Variants in ADAP1 observed in about 807,000 individuals in gnomAD.
ADAP1 encodes the protein arf-GAP with dual PH domain-containing protein 1.
In ADAP1, 31 loss-of-function variants were observed where a neutral mutation model predicts 54.9. The observed-to-expected ratio is 0.56, with a 90% CI of 0.42 to 0.76. The LOEUF (loss-of-function observed/expected upper bound fraction) is 0.76. ADAP1 is among the 30% of genes least tolerant of loss of function. The probability of loss-of-function intolerance (pLI) is 0.00; values close to 1 mark genes in which losing one functional copy is unlikely to be tolerated. For missense variants in ADAP1, 535 were observed against 512.4 expected, an observed-to-expected ratio of 1.04 and a Z score of -0.42; for synonymous variants, 313 against 202.6, an observed-to-expected ratio of 1.55 and a Z score of -4.63.
rs1251845584 is a variant in ADAP1 at position 954,250 on chromosome 7, C to T, written c.82+146G>A. On this transcript the variant is annotated intron_variant, in intron 1 of 10. Transcript: ENST00000265846. ...CAGCCGGGCCCGGGCCCCATCCGAG[C>T]GCCGATCCGGCCCGGTGTTCAGCGC... The T allele has an allele frequency of 3.6e-5, 29 of 801,100 alleles. No individual in the cohort carries two copies. In the South Asian group the frequency reaches 1.2e-3, roughly 33 times the overall value. 49.6% of individuals were successfully genotyped at this position (801,100 alleles called of 1,614,324 possible).
chr7:922,034 G>C (rs1042644182), intron 3 of ADAP1, among the ~76,000 whole-genome samples: 1 of 152,208 alleles, frequency 6.6e-6, no homozygotes, highest in African/African-American at 2.4e-5. Context: ...GTGAGCACCA[G>C]GAAGTCGGGG....
In ADAP1 at chr7:926,687, G is replaced by A. The variant is rs1318664963; in HGVS notation, c.214-43C>T. The A allele has an allele frequency of 1.3e-6, 2 of 1,486,998 alleles. No homozygotes were observed. The highest frequency in any genetic ancestry group is 9.0e-7 in the Non-Finnish European group (1 of 1,107,972). The allele number at this position is 1,486,998 out of a possible 1,614,324, so 92.1% of individuals were successfully genotyped here. A position where few individuals can be genotyped will look rare whatever the true frequency, so the allele number is the denominator to read the frequency against. The stretch of plus-strand genomic sequence containing the variant: ...CCGGGTCAGAGGCCTGGGGTCCCAG[G>A]GGCAGCCTAGGAGGTGCCAGCTGCC... On this transcript the variant is annotated intron_variant, in intron 2 of 10. Coordinates refer to ENST00000265846, the MANE Select transcript of ADAP1 (RefSeq NM_006869.4). This position sits in a 1 kb window ranked among gnomAD's most constrained non-coding sequence, Gnocchi z 4.6.
At chr7:905,358 GGGAA>G in intron 4 of ADAP1, 186 bp from the exon 5 acceptor site, 3 of 150,390 alleles carry the variant, frequency 2.0e-5, no homozygotes, top group South Asian at 1.3e-4. Flanking sequence ...AAGATGGGCA[GGGAA>G]AGGGAAAGGG....
In ADAP1 at chr7:905,046, C is replaced by CCCCT. The variant is rs113001855; in HGVS notation, c.501+13_501+14insAGGG. The CCCCT allele has an allele frequency of 2.2e-5, 35 of 1,607,056 alleles. No individual in the cohort carries two copies. In the African/African-American group the frequency reaches 3.2e-4, roughly 15 times the overall value. On this transcript the variant is annotated intron_variant, in intron 5 of 10. Coordinates refer to ENST00000265846, the MANE Select transcript of ADAP1 (RefSeq NM_006869.4). Reference sequence around the variant, plus strand: ...CTGGGACAGGCCCCCACCCCACCCCCGTCTGTGACTCACATCATTTCTGTT... The same window carrying CCCCT: ...CTGGGACAGGCCCCCACCCCACCCCCCCCTGTCTGTGACTCACATCATTTCTGTT...
intron 4 of ADAP1, chr7:905,385 A>AGAAAGG (rs1562911592): frequency 1.3e-5 from 3 of 239,738 alleles, no homozygotes; most frequent in Admixed American, 6.4e-5. Context: ...AGGAGAAAGG[A>AGAAAGG]GAAAGGAGAA....
At position 920,839 on chromosome 7, in the gene ADAP1, G is replaced by C. The variant is rs1562926444; in HGVS notation, c.306-789C>G. 1 of 1,550,154 alleles carries C rather than the reference G, an allele frequency of 6.5e-7. No homozygotes were observed. The highest frequency in any genetic ancestry group is 2.4e-5 in the East Asian group (1 of 40,924). On this transcript the variant is annotated intron_variant, in intron 3 of 10. Transcript: ENST00000265846. This position sits in a 1 kb window ranked among gnomAD's most constrained non-coding sequence, Gnocchi z 4.5. The stretch of plus-strand genomic sequence containing the variant: ...ACGACCCACACACAGGCCCGGCACG[G>C]CCCAGGTGCACAGGCAGCCGCCCCA...
At chr7:900,974 C>T (rs927671396) in intron 6 of ADAP1, 7 of 523,348 alleles carry the variant, frequency 1.3e-5, no homozygotes, top group African/African-American at 9.6e-5. Flanking sequence ...GGCCAACTTG[C>T]CTTCCTTTCA....
rs1212489099 is a variant in ADAP1, at chr7:945,135, A to G, written c.82+9261T>C. On this transcript the variant is annotated intron_variant, in intron 1 of 10. Coordinates refer to ENST00000265846, the MANE Select transcript of ADAP1 (RefSeq NM_006869.4). The surrounding 1 kb of genome is among the most constrained non-coding windows in gnomAD (Gnocchi z 4.2). Reference sequence around the variant, plus strand: ...AAGGAAAAAGCCTGGCTGGTCCCCAAGGCAGAAGGGACGGGCTGACCCTTC... The same window carrying G: ...AAGGAAAAAGCCTGGCTGGTCCCCAGGGCAGAAGGGACGGGCTGACCCTTC... Among the ~76,000 whole-genome samples, 2 of 152,192 alleles carry G rather than the reference A, an allele frequency of 1.3e-5. No homozygotes were observed. The highest frequency in any genetic ancestry group is 2.9e-5 in the Non-Finnish European group (2 of 68,026).
chr7:935,109 C>A, intron 2 of ADAP1: 2 of 598,676 alleles, frequency 3.3e-6, no homozygotes, highest in Non-Finnish European at 3.2e-6. Flanking sequence ...GCACGGGAAT[C>A]GGCGACCCGC....
At chr7:902,185 G>A (rs919264153) in intron 6 of ADAP1, among the ~76,000 whole-genome samples, 17 of 151,202 alleles carry the variant, frequency 1.1e-4, no homozygotes, top group South Asian at 4.2e-4. Context: ...GCGGCTGGGC[G>A]CAGTGGCTCA....
chr7:907,209 C>T (rs2128099091), intron 4 of ADAP1, among the ~76,000 whole-genome samples: 2 of 152,312 alleles, frequency 1.3e-5, no homozygotes, highest in South Asian at 4.1e-4. Context: ...CCCGGGCATC[C>T]CCCTGGGAGC....
intron 1 of ADAP1, among the ~76,000 whole-genome samples, chr7:936,961 G>A (rs979516385): frequency 1.3e-5 from 2 of 152,240 alleles, no homozygotes; most frequent in African/African-American, 4.8e-5. Flanking sequence ...GGCTGGGGCT[G>A]GGCCTGGGCT....
At chr7:904,410 G>T in intron 5 of ADAP1, 138 bp from the exon 6 acceptor site, 2 of 1,115,156 alleles carry the variant, frequency 1.8e-6, no homozygotes, top group Non-Finnish European at 2.5e-6. Flanking sequence ...AGCGCTCTGA[G>T]CCTTGGCCTC....
At chr7:919,664 G>A (rs1357418092) in intron 4 of ADAP1, among the ~76,000 whole-genome samples, 1 of 97,808 alleles carries the variant, frequency 1.0e-5, no homozygotes, top group Non-Finnish European at 2.0e-5. Context: ...GAGAGATAAA[G>A]AGAGACAGAA....
At chr7:919,497 G>C (rs1461461585) in intron 4 of ADAP1, among the ~76,000 whole-genome samples, 4 of 151,202 alleles carry the variant, frequency 2.6e-5, no homozygotes, top group Non-Finnish European at 5.9e-5. Context: ...TGTTACCCAG[G>C]TTAATAATGA....
In ADAP1 at chr7:898,536, G is replaced by T. The variant is rs535696157; in HGVS notation, c.*385C>A. Reference sequence around the variant, plus strand: ...CCCCAGCGGCCGGCAGCTGCCCACCGTGCTGGCCCCAAGCAGGGCTCTGCG... The same window carrying T: ...CCCCAGCGGCCGGCAGCTGCCCACCTTGCTGGCCCCAAGCAGGGCTCTGCG... On this transcript the variant is annotated 3_prime_UTR_variant, in exon 11 of 11. Transcript: ENST00000265846. 3.2e-6 allele frequency: 1 copy of T among 311,484 alleles called. No homozygotes were observed. Among genetic ancestry groups the T allele is most frequent in the African/African-American group, 2.1e-5 (1 of 46,890 alleles). The allele number at this position is 311,484 out of a possible 1,614,324, so 19.3% of individuals were successfully genotyped here.
intron 4 of ADAP1, among the ~76,000 whole-genome samples, chr7:906,797 A>AT (rs879621135): frequency 0.4 from 14,268 of 35,950 alleles, 1,875 homozygotes; most frequent in East Asian, 0.44. Context: ...GGGACGGGAC[A>AT]GGGGACATGG....
rs1448695105 is a variant in ADAP1, at chr7:938,075, C to T, written c.83-2570G>A. 6.6e-6 allele frequency among the ~76,000 whole-genome samples: 1 copy of T among 152,206 alleles called. No individual in the cohort carries two copies. The highest frequency in any genetic ancestry group is 1.5e-5 in the Non-Finnish European group (1 of 68,044). ...GCCCAAGTGACCCTGTCTCGGGTACCAGGAGTTTTGCCTGTGCTGAGTAGG... is the reference window on the plus strand; with the variant it reads ...GCCCAAGTGACCCTGTCTCGGGTACTAGGAGTTTTGCCTGTGCTGAGTAGG... On this transcript the variant is annotated intron_variant, in intron 1 of 10. Transcript: ENST00000265846. The surrounding 1 kb of genome is among the most constrained non-coding windows in gnomAD (Gnocchi z 4.4).
intron 4 of ADAP1, among the ~76,000 whole-genome samples, chr7:906,436 GAGAAAGGAGAAAGGAGAAAGGGAAAGGA>G: frequency 7.7e-6 from 1 of 130,428 alleles, no homozygotes; most frequent in Non-Finnish European, 1.6e-5. Flanking sequence ...AAGGAGAAAG[GAGAAAGGAGAAAGGAGAAAGGGAAAGGA>G]GAAAGGAGAA....
Sources: gnomAD v4.1 joint callset for allele counts (sites outside exome capture counted in the v4.1 genomes callset) on GRCh38, gnomAD v4.1.1 for gene constraint, Gnocchi (gnomAD v3.1) non-coding constraint, MANE v1.5 for transcripts, NCBI Gene and HGNC (gene_info 2026-07-23, HGNC 2026-07-21) for gene names.